CYP4V2: variants seen among roughly 807,000 people sequenced by gnomAD.
CYP4V2 encodes cytochrome P450 family 4 subfamily V member 2.
Under a neutral mutation model 60.8 loss-of-function variants are expected in CYP4V2, and 55 were observed. The observed-to-expected ratio is 0.90, with a 90% CI of 0.73 to 1.13. CYP4V2 has a LOEUF of 1.13. CYP4V2 is among the 50% of genes most tolerant of loss of function. The pLI is 0.00. For synonymous variants in CYP4V2, 239 were observed against 236.8 expected (o/e 1.01, Z -0.08); for missense variants, 675 against 662.9 (o/e 1.02, Z -0.20).
intron 3 of CYP4V2, chr4:186,196,314 A>G: frequency 1.8e-6 from 1 of 566,970 alleles, no homozygotes; most frequent in Non-Finnish European, 3.2e-6. Context: ...TTCAATAGCG[A>G]CTGTCGCCAG....
Position 186,213,218 on chromosome 4 carries a change from A to G in CYP4V2, c.*2577A>G, listed in dbSNP as rs892508038. 4.6e-5 allele frequency: 7 copies of G among 152,236 alleles called. No individual in the cohort carries two copies. Among genetic ancestry groups the G allele is most frequent in the African/African-American group, 9.6e-5 (4 of 41,464 alleles). The allele number at this position is 152,236 out of a possible 1,614,324, so 9.4% of individuals were successfully genotyped here. ...AGAGTAGGAATTGAGAAATTATTTCATATGCTACAGTATTGAAATGTGGAT... is the reference window on the plus strand; with the variant it reads ...AGAGTAGGAATTGAGAAATTATTTCGTATGCTACAGTATTGAAATGTGGAT... On this transcript the variant is annotated 3_prime_UTR_variant, in exon 11 of 11. Coordinates refer to ENST00000378802, the MANE Select transcript of CYP4V2 (RefSeq NM_207352.4).
chr4:186,194,361 T>C (rs1382462977), intron 1 of CYP4V2, 139 bp from the exon 2 acceptor site: 1 of 743,712 alleles, frequency 1.3e-6, no homozygotes, highest in Non-Finnish European at 2.3e-6. Flanking sequence ...AGTTCACACA[T>C]GCTCTCTACC....
chr4:186,191,995 C>A lies in CYP4V2; in HGVS notation c.172C>A (p.Pro58Thr). ...RPIPTVARAY[P>T]LVGHALLMKP... is the part of the protein sequence containing the mutation. Reference sequence around the variant, plus strand: ...CATCCCCACGGTGGCCCGCGCCTACCCACTGGTGGGCCACGCGCTGCTGAT... The same window carrying A: ...CATCCCCACGGTGGCCCGCGCCTACACACTGGTGGGCCACGCGCTGCTGAT... The change falls in exon 1 of 11, where the codon CCA becomes ACA. Residue 58 changes from proline (P) to threonine (T), a missense_variant. Physicochemically the swap from Pro to Thr is conservative, Grantham distance 38. Transcript: ENST00000378802. The A allele has an allele frequency of 6.3e-7, 1 of 1,585,130 alleles. No homozygotes were observed. Among genetic ancestry groups the A allele is most frequent in the Non-Finnish European group, 8.5e-7 (1 of 1,170,334 alleles).
chr4:186,208,982 G>A lies in CYP4V2; in HGVS notation c.1208G>A (p.Ser403Asn), dbSNP rs113698661. 16 of 1,614,200 alleles carry A rather than the reference G, an allele frequency of 9.9e-6. No homozygotes were observed. In the African/African-American group the frequency reaches 1.2e-4, roughly 12 times the overall value. The change falls in exon 9 of 11, where the codon AGT becomes AAT. Residue 403 changes from serine (S) to asparagine (N), a missense_variant. Coordinates refer to ENST00000378802, the MANE Select transcript of CYP4V2 (RefSeq NM_207352.4). ...GTTCCTTTATTTGCCCGTAGTGTTA[G>A]TGAAGATTGTGAAGTGGGTAAGTAT... Reference protein sequence around the residue: ...PSVPLFARSVSEDCEVAGYRV... With the variant: ...PSVPLFARSVNEDCEVAGYRV...
chr4:186,193,020 G>A (rs1736035858), intron 1 of CYP4V2, among the ~76,000 whole-genome samples: 1 of 152,164 alleles, frequency 6.6e-6, no homozygotes, highest in South Asian at 2.1e-4. Flanking sequence ...TCATGGAAGA[G>A]TGTTTACCAA....
chr4:186,194,499 G>A lies in CYP4V2; in HGVS notation c.215-1G>A. On this transcript the variant is annotated splice_acceptor_variant, in intron 1 of 10. Transcript: ENST00000378802. LOFTEE classifies it high-confidence loss of function. ...ATTTCAAATTTGATGTTTTTCCCCAGAATTTTTTCAGCAGATCATTGAGTA... is the reference window on the plus strand; with the variant it reads ...ATTTCAAATTTGATGTTTTTCCCCAAAATTTTTTCAGCAGATCATTGAGTA... 1 of 1,613,670 alleles carries A rather than the reference G, an allele frequency of 6.2e-7. No homozygotes were observed. Among genetic ancestry groups the A allele is most frequent in the South Asian group, 1.1e-5 (1 of 91,036 alleles).
At chr4:186,205,853 C>T (rs1736481112) in intron 8 of CYP4V2, among the ~76,000 whole-genome samples, 2 of 152,154 alleles carry the variant, frequency 1.3e-5, no homozygotes, top group African/African-American at 4.8e-5. Flanking sequence ...TCATGATTGA[C>T]GTTCCAAGCA....
In CYP4V2 at chr4:186,212,322, A is replaced by T. The variant is rs1014991186; in HGVS notation, c.*1681A>T. The T allele has an allele frequency of 1.3e-5, 2 of 152,188 alleles. No homozygotes were observed. Among genetic ancestry groups the T allele is most frequent in the Non-Finnish European group, 2.9e-5 (2 of 68,036 alleles). 9.4% of individuals were successfully genotyped at this position (152,188 alleles called of 1,614,324 possible). A position where few individuals can be genotyped will look rare whatever the true frequency, so the allele number is the denominator to read the frequency against. ...AGGAAAAAGGAAGCCATTCATCTAT[A>T]TTTAGTAACCCAGTAATATCTCACT... is the stretch of plus-strand genomic sequence containing the variant. On this transcript the variant is annotated 3_prime_UTR_variant, in exon 11 of 11. Coordinates refer to ENST00000378802, the MANE Select transcript of CYP4V2 (RefSeq NM_207352.4).
At chr4:186,207,316 G>A (rs753661360) in intron 8 of CYP4V2, among the ~76,000 whole-genome samples, 1 of 150,558 alleles carries the variant, frequency 6.6e-6, no homozygotes, top group Admixed American at 6.7e-5. Context: ...GGCTGAGGCA[G>A]GAGAATGACA....
chr4:186,197,975 T>A lies in CYP4V2; in HGVS notation c.674+373T>A, dbSNP rs150206778. Among the ~76,000 whole-genome samples, 347 of 152,372 alleles carry A rather than the reference T, an allele frequency of 2.3e-3. 2 individuals carry two copies. Among genetic ancestry groups the A allele is most frequent in the African/African-American group, 8.0e-3 (331 of 41,592 alleles). On this transcript the variant is annotated intron_variant, in intron 5 of 10. Coordinates refer to ENST00000378802, the MANE Select transcript of CYP4V2 (RefSeq NM_207352.4). ...ATTATAACAGAATGTTAGCAGTGTT[T>A]CTCATTGTCTCGTGTATGTGTTTCT... is the stretch of plus-strand genomic sequence containing the variant.
intron 8 of CYP4V2, among the ~76,000 whole-genome samples, chr4:186,206,785 C>A (rs1228292233): frequency 2.0e-5 from 3 of 152,126 alleles, no homozygotes; most frequent in African/African-American, 7.2e-5. Context: ...TATTAAGAGG[C>A]AAGCTTTTAT....
At chr4:186,192,199 C>T in intron 1 of CYP4V2, 162 bp downstream of exon 1, 5 of 896,378 alleles carry the variant, frequency 5.6e-6, no homozygotes, top group Non-Finnish European at 8.9e-6. Context: ...CCCTTGGCAC[C>T]CGCCGACACT....
At chr4:186,202,664 GCA>G (rs35643030) in intron 7 of CYP4V2, 53,505 of 150,706 alleles carry the variant, frequency 0.36, 9,953 homozygotes, top group South Asian at 0.55. Flanking sequence ...ACATACACAT[GCA>G]CAGACACATG....
chr4:186,199,145 C>T, intron 6 of CYP4V2, 62 bp downstream of exon 6: 2 of 1,535,700 alleles, frequency 1.3e-6, no homozygotes, highest in South Asian at 1.1e-5. Flanking sequence ...CCCTTTATAA[C>T]CATTTTAACT....
In CYP4V2 at chr4:186,196,108, T is replaced by C. The variant is rs1463691611; in HGVS notation, c.413+20T>C. On this transcript the variant is annotated intron_variant, in intron 3 of 10. Transcript: ENST00000378802. ...TACAAGGTATGCCAGTGTACCTTTG[T>C]AAAGCTGTCTATAGAAATGGTTACT... 6.3e-7 allele frequency: 1 copy of C among 1,585,040 alleles called. No homozygotes were observed. The highest frequency in any genetic ancestry group is 1.7e-5 in the Admixed American group (1 of 59,956).
At chr4:186,210,333 T>TGTTC in intron 10 of CYP4V2, 136 bp from the exon 11 acceptor site, 1 of 1,025,634 alleles carries the variant, frequency 9.8e-7, no homozygotes, top group South Asian at 1.4e-5. Context: ...CTTTAACAGG[T>TGTTC]GTTCCAAGCC....
At chr4:186,209,026 G>A in intron 9 of CYP4V2, 27 bp downstream of exon 9, 3 of 1,614,192 alleles carry the variant, frequency 1.9e-6, no homozygotes, top group Non-Finnish European at 2.5e-6. Flanking sequence ...TAAAGTAGAA[G>A]GGAGAGGGAA....
rs745710586 is a variant in CYP4V2, at chr4:186,209,102, G to C, written c.1235G>C (p.Arg412Thr). The change falls in exon 10 of 11, where the codon AGA becomes ACA. Residue 412 changes from arginine (R) to threonine (T), a missense_variant. Coordinates refer to ENST00000378802, the MANE Select transcript of CYP4V2 (RefSeq NM_207352.4). ...GACTACTTCTTGACAGCAGGTTACA[G>C]AGTTCTAAAAGGCACTGAAGCCGTC... ...VSEDCEVAGYRVLKGTEAVII... is the reference protein window; with the variant it reads ...VSEDCEVAGYTVLKGTEAVII... The C allele has an allele frequency of 6.2e-7, 1 of 1,614,156 alleles. No individual in the cohort carries two copies. Among genetic ancestry groups the C allele is most frequent in the Non-Finnish European group, 8.5e-7 (1 of 1,180,032 alleles).
chr4:186,192,240 C>T, intron 1 of CYP4V2: 1 of 735,078 alleles, frequency 1.4e-6, no homozygotes, highest in South Asian at 1.5e-5. Flanking sequence ...TGAGCATTTT[C>T]TTTGTGTGTA....
Sources: gnomAD v4.1 joint callset for allele counts (sites outside exome capture counted in the v4.1 genomes callset) on GRCh38, gnomAD v4.1.1 for gene constraint, MANE v1.5 for transcripts, NCBI Gene and HGNC (gene_info 2026-07-23, HGNC 2026-07-21) for gene names.